Variants in BNC2 observed in about 807,000 individuals in gnomAD.
BNC2 encodes the protein basonuclin zinc finger protein 2.
A neutral mutation model predicts 76.3 loss-of-function variants in BNC2; 20 were observed. The observed-to-expected ratio is 0.26, with a 90% CI of 0.18 to 0.38. The LOEUF (loss-of-function observed/expected upper bound fraction) is 0.38. BNC2 is among the 10% of genes least tolerant of loss of function. The pLI, the probability that BNC2 is intolerant of heterozygous loss-of-function variation, is 1.00. For missense variants in BNC2, 1,382 were observed against 1,399.8 expected (o/e 0.99, Z 0.20); for synonymous variants, 582 against 514.8 (o/e 1.13, Z -1.77).
intron 1 of BNC2, among the ~76,000 whole-genome samples, chr9:16,801,741 A>ACAC: frequency 1.3e-5 from 1 of 74,166 alleles, no homozygotes; most frequent in African/African-American, 4.5e-5. Flanking sequence ...TAAAAAAAAA[A>ACAC]AAACACACAC....
intron 5 of BNC2, among the ~76,000 whole-genome samples, chr9:16,465,257 A>C (rs1005246284): frequency 4.6e-5 from 7 of 152,030 alleles, no homozygotes; most frequent in African/African-American, 1.7e-4. Flanking sequence ...CCAACATGGC[A>C]AAACCCCATC....
intron 3 of BNC2, among the ~76,000 whole-genome samples, chr9:16,689,606 G>C (rs1032053250): frequency 9.2e-5 from 14 of 151,476 alleles, no homozygotes; most frequent in African/African-American, 2.4e-5. Flanking sequence ...GTGTTGAAGG[G>C]ACAAAGACCT....
chr9:16,453,147 A>C (rs1927620), intron 5 of BNC2, among the ~76,000 whole-genome samples: 83,686 of 152,068 alleles, frequency 0.55, 25,737 homozygotes, highest in African/African-American at 0.82. Flanking sequence ...TGAGGCCTGA[A>C]AATGAGCCAA....
At chr9:16,834,667 T>A (rs1172120429) in intron 1 of BNC2, among the ~76,000 whole-genome samples, 3 of 152,214 alleles carry the variant, frequency 2.0e-5, no homozygotes, top group African/African-American at 7.2e-5. Context: ...ATAATACCGG[T>A]CTCCTCACCC....
At chr9:16,869,001 C>T (rs983648645) in intron 1 of BNC2, among the ~76,000 whole-genome samples, 12 of 152,118 alleles carry the variant, frequency 7.9e-5, no homozygotes, top group African/African-American at 2.9e-4. Flanking sequence ...AGCCACAGTT[C>T]AAAGTCATTA....
Position 16,855,930 on chromosome 9 carries a change from A to G in BNC2, c.3+14716T>C, listed in dbSNP as rs188300478. On this transcript the variant is annotated intron_variant, in intron 1 of 6. Coordinates refer to ENST00000380672, the MANE Select transcript of BNC2 (RefSeq NM_017637.6). ...ATCTGCAGCAAGTTATTCCATATAT[A>G]GTAAGTAAACATTTACTTGCTGGCT... 3.3e-3 allele frequency among the ~76,000 whole-genome samples: 509 copies of G among 152,244 alleles called. 8 individuals carry two copies. Among genetic ancestry groups the G allele is most frequent in the Admixed American group, 4.4e-3 (68 of 15,288 alleles).
intron 3 of BNC2, among the ~76,000 whole-genome samples, chr9:16,598,996 A>G (rs569899448): frequency 1.3e-5 from 2 of 152,352 alleles, no homozygotes; most frequent in South Asian, 4.1e-4. Flanking sequence ...AGTATACTTC[A>G]AGGACATGTA....
At chr9:16,685,639 A>G (rs200729690) in intron 3 of BNC2, 54 of 1,303,620 alleles carry the variant, frequency 4.1e-5, no homozygotes, top group Non-Finnish European at 6.1e-6. Context: ...CTGAGGGAAT[A>G]CAGCCACGTT....
At chr9:16,490,688 C>G (rs1822259146) in intron 5 of BNC2, among the ~76,000 whole-genome samples, 1 of 152,124 alleles carries the variant, frequency 6.6e-6, no homozygotes. Flanking sequence ...TCAGGTCTTT[C>G]ATACAGTTGT....
chr9:16,764,907 A>G (rs1825649711), intron 1 of BNC2, among the ~76,000 whole-genome samples: 1 of 151,358 alleles, frequency 6.6e-6, no homozygotes, highest in Admixed American at 6.6e-5. Flanking sequence ...GAAGGAGGGA[A>G]GGAGGGAGGA....
chr9:16,861,205 T>TATATATATATATATATATA (rs1241413014), intron 1 of BNC2, among the ~76,000 whole-genome samples: 17 of 141,556 alleles, frequency 1.2e-4, no homozygotes, highest in African/African-American at 3.0e-4. Flanking sequence ...TATATATAAA[T>TATATATATATATATATATA]TAACCAGGCA....
chr9:16,428,995 C>G (rs772171130), intron 6 of BNC2, among the ~76,000 whole-genome samples: 13 of 152,176 alleles, frequency 8.5e-5, no homozygotes, highest in Non-Finnish European at 4.4e-5. Context: ...CTCCCTCATA[C>G]ACATATCTTG....
chr9:16,751,145 GA>G (rs1204856927), intron 1 of BNC2, among the ~76,000 whole-genome samples: 1 of 149,436 alleles, frequency 6.7e-6, no homozygotes, highest in East Asian at 2.0e-4. Flanking sequence ...TAAGCACAAG[GA>G]AAACATTTAA....
chr9:16,429,324 CGTACATGTACA>C (rs1304318182), intron 6 of BNC2: 1 of 152,162 alleles, frequency 6.6e-6, no homozygotes, highest in Non-Finnish European at 1.5e-5. Flanking sequence ...TGAATGTTAA[CGTACATGTACA>C]GTCTTACCAC....
intron 3 of BNC2, among the ~76,000 whole-genome samples, chr9:16,617,401 A>G (rs1276833964): frequency 6.6e-6 from 1 of 152,152 alleles, no homozygotes; most frequent in Admixed American, 6.6e-5. Flanking sequence ...GCGGAATATG[A>G]AAAGAATTAT....
At chr9:16,816,159 G>A (rs1175154155) in intron 1 of BNC2, among the ~76,000 whole-genome samples, 1 of 152,116 alleles carries the variant, frequency 6.6e-6, no homozygotes, top group Non-Finnish European at 1.5e-5. Context: ...GTTAAAGCTG[G>A]AGTAAAGCCT....
At chr9:16,654,939 G>C (rs1213919522) in intron 3 of BNC2, among the ~76,000 whole-genome samples, 1 of 152,054 alleles carries the variant, frequency 6.6e-6, no homozygotes. Context: ...AGTTAGAATA[G>C]CTCTACACTT....
At chr9:16,621,985 T>A (rs1275379002) in intron 3 of BNC2, among the ~76,000 whole-genome samples, 1 of 152,186 alleles carries the variant, frequency 6.6e-6, no homozygotes, top group African/African-American at 2.4e-5. Context: ...AAATTGCATA[T>A]GTGGCTTGCA....
At position 16,540,903 on chromosome 9, in the gene BNC2, G is replaced by T. The variant is rs955262303; in HGVS notation, c.669+11627C>A. On this transcript the variant is annotated intron_variant, in intron 5 of 6. Transcript: ENST00000380672. The stretch of plus-strand genomic sequence containing the variant: ...GACCTGAGGAAAAGCACTAAATCAG[G>T]TGATGCTACAAAGATGACATGTTTG... 3.3e-5 allele frequency among the ~76,000 whole-genome samples: 5 copies of T among 152,136 alleles called. No individual in the cohort carries two copies. In the South Asian group the frequency reaches 8.3e-4, roughly 25 times the overall value.
Sources: gnomAD v4.1 joint callset for allele counts (sites outside exome capture counted in the v4.1 genomes callset) on GRCh38, gnomAD v4.1.1 for gene constraint, MANE v1.5 for transcripts, NCBI Gene and HGNC (gene_info 2026-07-23, HGNC 2026-07-21) for gene names.